Variants in DRC4 observed in about 807,000 individuals in gnomAD.
The protein encoded by DRC4 is dynein regulatory complex subunit 4.
chr16:90,029,603 T>C, the DRC4 span: 2 of 269,286 alleles, frequency 7.4e-6, no homozygotes, highest in African/African-American at 4.7e-5. Flanking sequence ...GTCTCCCTCA[T>C]GTCTGCCCGG....
the DRC4 span, chr16:90,040,273 C>T: frequency 1.4e-5 from 22 of 1,551,504 alleles, no homozygotes; most frequent in East Asian, 7.3e-5. Flanking sequence ...GGGGCCTCAT[C>T]GCCCACCCCC....
the DRC4 span, chr16:90,043,631 G>A: frequency 6.2e-5 from 36 of 577,992 alleles, no homozygotes; most frequent in Non-Finnish European, 1.1e-4. Context: ...CACCTTCTCA[G>A]AGTGCCCCGC....
chr16:90,040,119 G>T, the DRC4 span: 1 of 639,970 alleles, frequency 1.6e-6, no homozygotes, highest in African/African-American at 1.8e-5. Context: ...TGCGTGGATG[G>T]CTCTACAAAG....
chr16:90,022,596 C>G, the DRC4 span: 2 of 1,116,600 alleles, frequency 1.8e-6, no homozygotes, highest in Non-Finnish European at 2.4e-6. Context: ...GGCCGCTGCC[C>G]GGCGGAGTCT....
chr16:90,032,236 A>G, the DRC4 span, among the ~76,000 whole-genome samples: 1 of 148,720 alleles, frequency 6.7e-6, no homozygotes, highest in East Asian at 2.0e-4. Flanking sequence ...GTATACAGGA[A>G]TGTACAAGTG....
At chr16:90,042,875 C>T in the DRC4 span, 27 of 497,102 alleles carry the variant, frequency 5.4e-5, no homozygotes, top group Middle Eastern at 5.3e-4. Context: ...GAAGGGAGGG[C>T]GTGAAGAACC....
the DRC4 span, chr16:90,036,021 C>A: frequency 2.1e-6 from 2 of 944,982 alleles, no homozygotes; most frequent in Non-Finnish European, 2.9e-6. Flanking sequence ...GAGAAGGCTC[C>A]AATTTCAGAA....
chr16:90,043,348 G>GCC, the DRC4 span: 27 of 1,603,470 alleles, frequency 1.7e-5, no homozygotes, highest in South Asian at 1.7e-4. Flanking sequence ...CGACGTAGCT[G>GCC]CCCCCCTGGG....
chr16:90,035,442 T>C, the DRC4 span, among the ~76,000 whole-genome samples: 2 of 152,218 alleles, frequency 1.3e-5, no homozygotes, highest in African/African-American at 4.8e-5. Context: ...GGTTTGGCGA[T>C]GGAACCAAGC....
At chr16:90,040,622 AG>A in the DRC4 span, 1 of 973,654 alleles carries the variant, frequency 1.0e-6, no homozygotes, top group Non-Finnish European at 1.5e-6. Context: ...TCGGCCACTG[AG>A]GAGGGGCATT....
chr16:90,029,597 C>A, the DRC4 span: 1 of 270,670 alleles, frequency 3.7e-6, no homozygotes, highest in Non-Finnish European at 7.7e-6. Flanking sequence ...GTGCGTGTCT[C>A]CCTCATGTCT....
chr16:90,029,150 C>CTACGGGGCAGCT, the DRC4 span: 108 of 1,191,562 alleles, frequency 9.1e-5, no homozygotes, highest in East Asian at 1.3e-3. Context: ...ACGGGGCAGC[C>CTACGGGGCAGCT]TACGGGGCAG....
chr16:90,043,400 ACACC>A, the DRC4 span: 5 of 1,525,280 alleles, frequency 3.3e-6, no homozygotes, highest in South Asian at 5.8e-5. Context: ...ACTCGGGATG[ACACC>A]CCTTATCACA....
the DRC4 span, chr16:90,042,183 T>G: frequency 1.9e-4 from 93 of 496,786 alleles, 2 homozygotes; most frequent in South Asian, 1.4e-3. Context: ...TGATCTGCCC[T>G]CCTTGGCCTC....
the DRC4 span, chr16:90,037,091 A>C: frequency 1.4e-6 from 1 of 740,278 alleles, no homozygotes. Context: ...GTTTATACAT[A>C]GAAGACGTCT....
chr16:90,028,934 A>T, the DRC4 span: 1 of 1,299,522 alleles, frequency 7.7e-7, no homozygotes, highest in Non-Finnish European at 1.0e-6. Flanking sequence ...TTTATTTTAC[A>T]TGCAGGCAAA....
chr16:90,022,674 G>A, the DRC4 span: 17 of 1,418,774 alleles, frequency 1.2e-5, no homozygotes, highest in Admixed American at 2.6e-4. Context: ...GCTTCCGGGG[G>A]CGGGCGCCCT....
chr16:90,032,344 T>G, the DRC4 span, among the ~76,000 whole-genome samples: 17 of 108,288 alleles, frequency 1.6e-4, no homozygotes, highest in Admixed American at 2.9e-4. Context: ...TACAGGTATG[T>G]ACAGGTGAGG....
the DRC4 span, chr16:90,027,821 C>A: frequency 1.7e-6 from 2 of 1,156,138 alleles, no homozygotes; most frequent in South Asian, 1.3e-5. Context: ...TGGATCCACC[C>A]TTCTGTCCAA....
Sources: allele counts gnomAD v4.1 joint callset (sites outside exome capture counted in the v4.1 genomes callset), GRCh38; gene constraint gnomAD v4.1.1; transcripts MANE v1.5; gene names NCBI Gene and HGNC (gene_info 2026-07-23, HGNC 2026-07-21).